The following GRID1 variants were observed in gnomAD, a reference collection of about 807,000 sequenced individuals.
GRID1 encodes glutamate ionotropic receptor delta type subunit 1.
GRID1 carries 28 observed loss-of-function variants against 98.0 expected under a neutral mutation model. That is an observed-to-expected ratio of 0.29 (90% confidence interval 0.21 to 0.39). GRID1 has a LOEUF of 0.39. Ranked by LOEUF, GRID1 falls within the 10% of genes least tolerant of loss-of-function variation. GRID1 has a pLI of 1.00. For missense variants in GRID1, 1,111 were observed against 1,340.5 expected, an observed-to-expected ratio of 0.83 and a Z score of 2.67; for synonymous variants, 553 against 538.5, an observed-to-expected ratio of 1.03 and a Z score of -0.37.
chr10:85,804,427 C>T (rs1331708089), intron 8 of GRID1, among the ~76,000 whole-genome samples: 1 of 151,826 alleles, frequency 6.6e-6, no homozygotes, highest in Non-Finnish European at 1.5e-5. Context: ...CATGGCTTTA[C>T]ACAACCATAT....
At chr10:85,860,371 A>G (rs1166147962) in intron 6 of GRID1, among the ~76,000 whole-genome samples, 1 of 152,224 alleles carries the variant, frequency 6.6e-6, no homozygotes, top group African/African-American at 2.4e-5. Flanking sequence ...AAGAGAGGTC[A>G]GAGTGTCAAG....
At chr10:86,266,706 A>G (rs73334016) in intron 2 of GRID1, among the ~76,000 whole-genome samples, 1,811 of 152,360 alleles carry the variant, frequency 0.012, 38 homozygotes, top group African/African-American at 0.042. Context: ...CTGTGGCTCC[A>G]TGGTGGCCTC....
intron 5 of GRID1, among the ~76,000 whole-genome samples, chr10:85,880,484 A>C (rs1840990289): frequency 6.6e-6 from 1 of 152,212 alleles, no homozygotes; most frequent in South Asian, 2.1e-4. Context: ...AAATCAATAA[A>C]TGTAATCCAG....
intron 3 of GRID1, among the ~76,000 whole-genome samples, chr10:86,165,000 G>C (rs916023879): frequency 3.3e-5 from 5 of 152,202 alleles, no homozygotes; most frequent in African/African-American, 9.7e-5. Context: ...TGTTCAGTGG[G>C]GGGTAGGAAA....
intron 4 of GRID1, among the ~76,000 whole-genome samples, chr10:86,114,761 G>A (rs892622685): frequency 2.6e-5 from 4 of 152,172 alleles, no homozygotes; most frequent in Non-Finnish European, 5.9e-5. Context: ...AGACCTATTC[G>A]GAGGGAAACT....
At chr10:86,135,437 A>G (rs1844909355) in intron 4 of GRID1, among the ~76,000 whole-genome samples, 1 of 149,304 alleles carries the variant, frequency 6.7e-6, no homozygotes, top group Non-Finnish European at 1.5e-5. Flanking sequence ...CAGGCCTGGG[A>G]TCCGGAGACC....
intron 3 of GRID1, among the ~76,000 whole-genome samples, chr10:86,203,599 G>A (rs1220670492): frequency 1.3e-5 from 2 of 151,456 alleles, no homozygotes; most frequent in Non-Finnish European, 1.5e-5. Context: ...TCAGGAGGCC[G>A]ATGACCAGGG....
At chr10:85,863,627 C>G (rs948338187) in intron 6 of GRID1, among the ~76,000 whole-genome samples, 2 of 152,112 alleles carry the variant, frequency 1.3e-5, no homozygotes, top group Non-Finnish European at 2.9e-5. Flanking sequence ...AGCATATAAA[C>G]CCCCCATGAA....
At chr10:85,780,178 C>T (rs1280063588) in intron 8 of GRID1, among the ~76,000 whole-genome samples, 1 of 152,166 alleles carries the variant, frequency 6.6e-6, no homozygotes, top group Middle Eastern at 3.2e-3. Flanking sequence ...CCTAGAGCAT[C>T]AGAGCAAATT....
intron 2 of GRID1, among the ~76,000 whole-genome samples, chr10:86,358,322 T>C (rs1848559528): frequency 6.6e-6 from 1 of 152,152 alleles, no homozygotes; most frequent in South Asian, 2.1e-4. Context: ...GGACAATGCA[T>C]ATTGGGCACA....
At chr10:85,639,919 T>C (rs1370189002) in intron 13 of GRID1, among the ~76,000 whole-genome samples, 1 of 152,192 alleles carries the variant, frequency 6.6e-6, no homozygotes, top group Admixed American at 6.5e-5. Context: ...TAGTAGATGC[T>C]AAGATAGTTT....
At position 85,634,875 on chromosome 10, in the gene GRID1, A is replaced by G. The variant is rs375826587; in HGVS notation, c.2193+12327T>C. Among the ~76,000 whole-genome samples the G allele has an allele frequency of 6.6e-5, 10 of 152,142 alleles. No individual in the cohort carries two copies. The East Asian group carries it at 1.7e-3, about 27-fold the overall frequency. The stretch of plus-strand genomic sequence containing the variant: ...TTCAAAATGTAAAAACTTAAGTCAT[A>G]AAACCCAAAGCAATAATATTCAATG... On this transcript the variant is annotated intron_variant, in intron 13 of 15. Coordinates refer to ENST00000327946, the MANE Select transcript of GRID1 (RefSeq NM_017551.3).
intron 5 of GRID1, among the ~76,000 whole-genome samples, chr10:85,870,941 T>A (rs1056354741): frequency 6.6e-6 from 1 of 151,644 alleles, no homozygotes; most frequent in Admixed American, 6.6e-5. Flanking sequence ...TTTTTGAAAA[T>A]CTCTGACTGC....
chr10:85,666,196 A>G (rs1841017690), intron 12 of GRID1, among the ~76,000 whole-genome samples: 1 of 152,200 alleles, frequency 6.6e-6, no homozygotes, highest in African/African-American at 2.4e-5. Flanking sequence ...GAGTGGTGCC[A>G]TTTTATAGGC....
intron 12 of GRID1, among the ~76,000 whole-genome samples, chr10:85,686,028 T>C (rs1183395336): frequency 6.6e-6 from 1 of 152,152 alleles, no homozygotes; most frequent in Non-Finnish European, 1.5e-5. Flanking sequence ...TCCCCAAGTC[T>C]ATTTTGATCT....
chr10:85,895,333 T>C (rs1236350163), intron 5 of GRID1, among the ~76,000 whole-genome samples: 1 of 152,026 alleles, frequency 6.6e-6, no homozygotes, highest in Non-Finnish European at 1.5e-5. Context: ...TCAACACGGA[T>C]GTCAGGGTGG....
intron 4 of GRID1, among the ~76,000 whole-genome samples, chr10:86,124,231 C>T (rs538617227): frequency 1.8e-4 from 28 of 152,324 alleles, no homozygotes; most frequent in African/African-American, 6.5e-4. Flanking sequence ...CCAGTGACTT[C>T]CTATTCAACT....
intron 2 of GRID1, among the ~76,000 whole-genome samples, chr10:86,247,935 A>G (rs569704489): frequency 9.8e-5 from 15 of 152,314 alleles, no homozygotes; most frequent in Admixed American, 2.0e-4. Flanking sequence ...AGTTGTCTCC[A>G]GATCCACCAA....
chr10:86,309,315 C>G (rs1564735165), intron 2 of GRID1, among the ~76,000 whole-genome samples: 2 of 152,160 alleles, frequency 1.3e-5, no homozygotes, highest in East Asian at 3.8e-4. Context: ...CCTCCTTATA[C>G]TAATGATACA....
Sources: allele counts gnomAD v4.1 joint callset (sites outside exome capture counted in the v4.1 genomes callset), GRCh38; gene constraint gnomAD v4.1.1; transcripts MANE v1.5; gene names NCBI Gene and HGNC (gene_info 2026-07-23, HGNC 2026-07-21).